OCA2: variants seen among roughly 807,000 people sequenced by gnomAD.
The protein encoded by OCA2 is OCA2 melanosomal transmembrane protein.
Under a neutral mutation model 100.2 loss-of-function variants are expected in OCA2, and 77 were observed. The observed-to-expected ratio is 0.77, with a 90% CI of 0.64 to 0.93. OCA2 has a LOEUF of 0.93. Ranked by LOEUF, OCA2 falls within the 40% of genes least tolerant of loss-of-function variation. The pLI, the probability that OCA2 is intolerant of heterozygous loss-of-function variation, is 0.00. For synonymous variants in OCA2, 432 were observed against 439.2 expected (o/e 0.98, Z 0.21); for missense variants, 1,062 against 1,089.1 (o/e 0.98, Z 0.35).
chr15:27,963,375 C>A (rs528526010), intron 15 of OCA2, among the ~76,000 whole-genome samples: 28 of 152,172 alleles, frequency 1.8e-4, no homozygotes, highest in African/African-American at 6.5e-4. Flanking sequence ...AAAGGTAGAC[C>A]ACATTCTATA....
At chr15:28,016,000 A>T in intron 8 of OCA2, 104 bp downstream of exon 8, 1 of 857,458 alleles carries the variant, frequency 1.2e-6, no homozygotes, top group Non-Finnish European at 2.0e-6. Flanking sequence ...TCACATGCTG[A>T]CCTGGTGCTG....
intron 18 of OCA2, among the ~76,000 whole-genome samples, chr15:27,948,741 C>G (rs548792259): frequency 6.6e-6 from 1 of 152,176 alleles, no homozygotes; most frequent in Non-Finnish European, 1.5e-5. Flanking sequence ...GCTAGGATTA[C>G]GGGCATGAGC....
At chr15:27,935,866 T>C (rs1353342147) in intron 18 of OCA2, among the ~76,000 whole-genome samples, 2 of 152,220 alleles carry the variant, frequency 1.3e-5, no homozygotes, top group African/African-American at 2.4e-5. Flanking sequence ...ATTGTGTAAC[T>C]GACTTTGACC....
Position 27,808,692 on chromosome 15 carries a change from G to A in OCA2, c.2432+36267C>T, listed in dbSNP as rs1026183478. ...ATGAAGGATGGGTAGGGAGCACTGC[G>A]CACTTGACACAAGGGCAGCTGGGAG... On this transcript the variant is annotated intron_variant, in intron 23 of 23. Transcript: ENST00000354638. 7.2e-5 allele frequency among the ~76,000 whole-genome samples: 11 copies of A among 152,276 alleles called. No individual in the cohort carries two copies. In the South Asian group the frequency reaches 1.7e-3, roughly 23 times the overall value.
At chr15:27,738,793 C>T in the OCA2 span, among the ~76,000 whole-genome samples, 1 of 151,820 alleles carries the variant, frequency 6.6e-6, no homozygotes, top group Admixed American at 6.6e-5. Flanking sequence ...AGAAAGCATA[C>T]AGGGAATGGG....
rs181627757 is a variant in OCA2, at chr15:28,054,235, T to C, written c.228-22072A>G. On this transcript the variant is annotated intron_variant, in intron 2 of 23. Coordinates refer to ENST00000354638, the MANE Select transcript of OCA2 (RefSeq NM_000275.3). ...GTATGTATGTGTATGTGTGTATGCA[T>C]ATATACATGTATAAATGTGTGTGGA... Among the ~76,000 whole-genome samples the C allele has an allele frequency of 1.1e-3, 161 of 152,324 alleles. 2 individuals carry two copies. Among genetic ancestry groups the C allele is most frequent in the Non-Finnish European group, 2.2e-4 (15 of 68,034 alleles).
intron 19 of OCA2, among the ~76,000 whole-genome samples, chr15:27,881,116 A>G (rs989775744): frequency 6.6e-6 from 1 of 152,172 alleles, no homozygotes; most frequent in African/African-American, 2.4e-5. Context: ...TATTGAGATA[A>G]TCATGTGGTT....
intron 23 of OCA2, among the ~76,000 whole-genome samples, chr15:27,777,689 G>C (rs959304425): frequency 6.6e-6 from 1 of 152,130 alleles, no homozygotes; most frequent in Admixed American, 6.5e-5. Context: ...AGTCAAGCTC[G>C]AAACTCTAGC....
At position 27,951,903 on chromosome 15, in the gene OCA2, G is replaced by C; in HGVS notation, c.1843-11C>G. On this transcript the variant is annotated splice_polypyrimidine_tract_variant and intron_variant, in intron 17 of 23. Transcript: ENST00000354638. ...GTCAGATATCCTATGCTGTAAGAGA[G>C]AAACCACAGCTCATTTACTCTGCAC... 1 of 1,572,330 alleles carries C rather than the reference G, an allele frequency of 6.4e-7. No individual in the cohort carries two copies. Among genetic ancestry groups the C allele is most frequent in the African/African-American group, 1.3e-5 (1 of 74,164 alleles).
At chr15:27,994,669 G>A (rs796863735) in intron 9 of OCA2, among the ~76,000 whole-genome samples, 7 of 152,316 alleles carry the variant, frequency 4.6e-5, no homozygotes, top group African/African-American at 1.4e-4. Flanking sequence ...GCTCTGCAGC[G>A]CAAGCAATAC....
chr15:27,758,860 A>G (rs187408672), intron 23 of OCA2, among the ~76,000 whole-genome samples: 1 of 152,308 alleles, frequency 6.6e-6, no homozygotes, highest in Admixed American at 6.5e-5. Context: ...AAGATCTAAC[A>G]TTTGTATCAT....
chr15:27,950,782 G>A (rs147750878), intron 18 of OCA2, among the ~76,000 whole-genome samples: 2,071 of 152,270 alleles, frequency 0.014, 37 homozygotes, highest in South Asian at 0.073. Flanking sequence ...GGTGCGAATC[G>A]CTGAAGCTTG....
At chr15:27,974,141 T>C (rs532929902) in intron 14 of OCA2, among the ~76,000 whole-genome samples, 30 of 152,212 alleles carry the variant, frequency 2.0e-4, no homozygotes, top group Non-Finnish European at 4.4e-5. Context: ...ATAGTTTGAC[T>C]TCCTCTTTTC....
chr15:28,009,020 A>T (rs1259248061), intron 9 of OCA2, among the ~76,000 whole-genome samples: 1 of 152,150 alleles, frequency 6.6e-6, no homozygotes, highest in Admixed American at 6.5e-5. Context: ...GGCAAATTCT[A>T]CCCCTAGAGT....
At chr15:27,829,967 A>G (rs2034888509) in intron 23 of OCA2, among the ~76,000 whole-genome samples, 1 of 152,240 alleles carries the variant, frequency 6.6e-6, no homozygotes, top group Non-Finnish European at 1.5e-5. Flanking sequence ...AAGCAAAGAT[A>G]TTATAAAGAT....
chr15:27,903,946 T>C (rs1489045896), intron 19 of OCA2, among the ~76,000 whole-genome samples: 1 of 152,232 alleles, frequency 6.6e-6, no homozygotes, highest in Non-Finnish European at 1.5e-5. Flanking sequence ...CTCTTCCATA[T>C]GTAAGAAATT....
At chr15:27,751,718 T>C (rs2030070957), downstream of OCA2, among the ~76,000 whole-genome samples, 1 of 152,136 alleles carries the variant, frequency 6.6e-6, no homozygotes, top group Non-Finnish European at 1.5e-5. Flanking sequence ...ACACACACAC[T>C]GTAGGGAGAT....
chr15:27,865,346 T>TA (rs1195167371), intron 21 of OCA2, among the ~76,000 whole-genome samples: 4 of 152,304 alleles, frequency 2.6e-5, no homozygotes, highest in Middle Eastern at 3.4e-3. Context: ...CTATTCATGT[T>TA]AAAATCCCCA....
chr15:27,769,787 A>AC (rs2031568242), intron 23 of OCA2, among the ~76,000 whole-genome samples: 1 of 152,192 alleles, frequency 6.6e-6, no homozygotes. Flanking sequence ...TGGAGGATGC[A>AC]CGAGCAAGCC....
Sources: allele counts gnomAD v4.1 joint callset (sites outside exome capture counted in the v4.1 genomes callset), GRCh38; gene constraint gnomAD v4.1.1; transcripts MANE v1.5; gene names NCBI Gene and HGNC (gene_info 2026-07-23, HGNC 2026-07-21).